The following GGA2 variants were observed in gnomAD, a reference collection of about 807,000 sequenced individuals.
The protein encoded by GGA2 is golgi associated, gamma adaptin ear containing, ARF binding protein 2, also known as ADP-ribosylation factor-binding protein GGA2.
In GGA2, 48 loss-of-function variants were observed where a neutral mutation model predicts 79.5. That is an observed-to-expected ratio of 0.60 (90% CI 0.48 to 0.77). The LOEUF (loss-of-function observed/expected upper bound fraction) is 0.77, where lower values mean the gene tolerates loss of function less well. Among genes scored for constraint, GGA2 ranks in the 30% least tolerant of loss-of-function variants. GGA2 has a pLI of 0.00. For missense variants in GGA2, 770 were observed against 774.0 expected, an observed-to-expected ratio of 0.99 and a Z score of 0.06; for synonymous variants, 317 against 302.0, an observed-to-expected ratio of 1.05 and a Z score of -0.51.
At chr16:23,515,866 T>A (rs1244278400) in intron 2 of GGA2, among the ~76,000 whole-genome samples, 2 of 152,150 alleles carry the variant, frequency 1.3e-5, no homozygotes, top group Non-Finnish European at 2.9e-5. Context: ...ACAGACAGAG[T>A]CTAGCTCTGT....
rs936490768 is a variant in GGA2, at chr16:23,465,503, A to C, written c.*2087T>G. ...AAGAATGTTCAGGTACACATGTGTGAGTTCACCTCCTAACTATAGGGGAGA... is the reference window on the plus strand; with the variant it reads ...AAGAATGTTCAGGTACACATGTGTGCGTTCACCTCCTAACTATAGGGGAGA... On this transcript the variant is annotated 3_prime_UTR_variant, in exon 17 of 17. Coordinates refer to ENST00000309859, the MANE Select transcript of GGA2 (RefSeq NM_015044.4). 3 of 688,680 alleles carry C rather than the reference A, an allele frequency of 4.4e-6. No individual in the cohort carries two copies. The allele number at this position is 688,680 out of a possible 1,614,324, so 42.7% of individuals were successfully genotyped here. A position where few individuals can be genotyped will look rare whatever the true frequency, so the allele number is the denominator to read the frequency against.
chr16:23,465,644 T>TA lies in GGA2; in HGVS notation c.*1945dup. The TA allele has an allele frequency of 1.9e-6, 1 of 523,976 alleles. No homozygotes were observed. Among genetic ancestry groups the TA allele is most frequent in the South Asian group, 2.4e-5 (1 of 41,390 alleles). 32.5% of individuals were successfully genotyped at this position (523,976 alleles called of 1,614,324 possible). A position where few individuals can be genotyped will look rare whatever the true frequency, so the allele number is the denominator to read the frequency against. ...GACTACGCAACAGTAACAGAGCCTATAAAAGCTACACAGAGGCCGGGTGCG... is the reference window on the plus strand; with the variant it reads ...GACTACGCAACAGTAACAGAGCCTATAAAAAGCTACACAGAGGCCGGGTGCG... On this transcript the variant is annotated 3_prime_UTR_variant, in exon 17 of 17. Transcript: ENST00000309859.
intron 13 of GGA2, 92 bp downstream of exon 13, chr16:23,478,276 G>A (rs1964601514): frequency 4.4e-6 from 4 of 902,714 alleles, no homozygotes; most frequent in Non-Finnish European, 6.6e-6. Context: ...GCGAGAGGCT[G>A]TCTTAGAGCA....
chr16:23,523,771 G>A (rs1965178572), upstream of GGA2: 1 of 152,290 alleles, frequency 6.6e-6, no homozygotes, highest in African/African-American at 2.4e-5. Flanking sequence ...AAATGAGGCT[G>A]GTTAAAGTTA....
intron 1 of GGA2, among the ~76,000 whole-genome samples, chr16:23,507,603 G>A (rs972390101): frequency 1.3e-5 from 2 of 151,466 alleles, no homozygotes; most frequent in African/African-American, 2.4e-5. Flanking sequence ...ACTCCAGCCT[G>A]GACAAGAATG....
chr16:23,524,288 C>A, upstream of GGA2: 1 of 1,231,358 alleles, frequency 8.1e-7, no homozygotes, highest in Non-Finnish European at 1.2e-6. Flanking sequence ...CCGACGGGCC[C>A]CAGGCCTCCT....
intron 1 of GGA2, among the ~76,000 whole-genome samples, chr16:23,502,882 T>C (rs1964934912): frequency 6.6e-6 from 1 of 152,198 alleles, no homozygotes; most frequent in African/African-American, 2.4e-5. Flanking sequence ...TCTGAGACTT[T>C]CTTTTTTTCT....
intron 14 of GGA2, among the ~76,000 whole-genome samples, chr16:23,470,596 C>T (rs1567357830): frequency 6.6e-6 from 1 of 152,038 alleles, no homozygotes; most frequent in Admixed American, 6.6e-5. Context: ...AACCCCATCT[C>T]TACTAAAAAT....
chr16:23,491,035 A>C (rs1315538831), intron 5 of GGA2, among the ~76,000 whole-genome samples: 1 of 152,144 alleles, frequency 6.6e-6, no homozygotes, highest in African/African-American at 2.4e-5. Context: ...CTCTACAAAA[A>C]ATACAAATAT....
At chr16:23,482,820 C>T (rs992959397) in intron 9 of GGA2, 103 bp downstream of exon 9, 9 of 776,008 alleles carry the variant, frequency 1.2e-5, no homozygotes, top group South Asian at 1.4e-5. Context: ...TCCACGGAAC[C>T]GAAAGTCCAC....
intron 2 of GGA2, among the ~76,000 whole-genome samples, chr16:23,495,079 A>G (rs1461618036): frequency 1.4e-5 from 1 of 72,814 alleles, no homozygotes; most frequent in Non-Finnish European, 3.5e-5. Context: ...CTGTCTCAGG[A>G]AAAAAAAAAA....
chr16:23,505,760 C>T (rs974369397), intron 1 of GGA2, among the ~76,000 whole-genome samples: 2 of 131,520 alleles, frequency 1.5e-5, no homozygotes, highest in Admixed American at 8.5e-5. Flanking sequence ...GGACATAAAA[C>T]CCAAGCCAAC....
At position 23,467,599 on chromosome 16, in the gene GGA2, GC is replaced by G. The variant is rs1964457343; in HGVS notation, c.1832del (p.Gly611AlafsTer77). The G allele has an allele frequency of 6.5e-7, 1 of 1,549,380 alleles. No homozygotes were observed. Among genetic ancestry groups the G allele is most frequent in the Non-Finnish European group, 8.9e-7 (1 of 1,121,820 alleles). ...VKDFPDLAVL[G>X]AA is the part of the protein sequence containing the mutation. ...TCCATCTTGTGAAAAGTTAGGCTGC[GC>G]CCAAGACAGCCAGGTCTGGGAAGTC... On this transcript the variant is annotated frameshift_variant, in exon 17 of 17. Coordinates refer to ENST00000309859, the MANE Select transcript of GGA2 (RefSeq NM_015044.4). LOFTEE classifies it high-confidence loss of function.
chr16:23,510,636 G>T (rs937022901), upstream of GGA2: 1 of 377,240 alleles, frequency 2.7e-6, no homozygotes, highest in Non-Finnish European at 4.7e-6. Context: ...ACCACTCACC[G>T]TACGGTTGCC....
Position 23,465,343 on chromosome 16 carries a change from C to T in GGA2, c.*2247G>A. 1 of 702,856 alleles carries T rather than the reference C, an allele frequency of 1.4e-6. No individual in the cohort carries two copies. Among genetic ancestry groups the T allele is most frequent in the Non-Finnish European group, 2.6e-6 (1 of 384,824 alleles). The allele number at this position is 702,856 out of a possible 1,614,324, so 43.5% of individuals were successfully genotyped here. On this transcript the variant is annotated 3_prime_UTR_variant, in exon 17 of 17. Transcript: ENST00000309859. ...AGCTGGGCTCTAAGTGGCCACTGGA[C>T]TTGCTGATTAGAAGGGAGTGATGCC... is the stretch of plus-strand genomic sequence containing the variant.
At chr16:23,510,194 C>A (rs1171377681) in intron 1 of GGA2, 127 bp downstream of exon 1, 3 of 469,746 alleles carry the variant, frequency 6.4e-6, no homozygotes, top group South Asian at 5.0e-5. Flanking sequence ...CGCGCCGGGC[C>A]CAGGCCCCCT....
At chr16:23,476,432 G>A (rs1964577583) in intron 13 of GGA2, among the ~76,000 whole-genome samples, 1 of 152,240 alleles carries the variant, frequency 6.6e-6, no homozygotes, top group Admixed American at 6.5e-5. Flanking sequence ...ACACCTTAGA[G>A]AACCTCTCCC....
intron 7 of GGA2, among the ~76,000 whole-genome samples, chr16:23,486,362 A>G (rs1304056146): frequency 6.6e-6 from 1 of 152,212 alleles, no homozygotes; most frequent in Non-Finnish European, 1.5e-5. Flanking sequence ...ACTGGTGACC[A>G]TGACCTCTGC....
intron 11 of GGA2, among the ~76,000 whole-genome samples, chr16:23,479,480 A>G (rs1210839190): frequency 6.7e-6 from 1 of 149,094 alleles, no homozygotes; most frequent in Non-Finnish European, 1.5e-5. Context: ...CCTCAGCAGC[A>G]GACACGTGTT....
Sources: gnomAD v4.1 joint callset for allele counts (sites outside exome capture counted in the v4.1 genomes callset) on GRCh38, gnomAD v4.1.1 for gene constraint, MANE v1.5 for transcripts, NCBI Gene and HGNC (gene_info 2026-07-23, HGNC 2026-07-21) for gene names.